SOX5: variants seen among roughly 807,000 people sequenced by gnomAD.
SOX5 encodes transcription factor SOX-5.
A neutral mutation model predicts 92.0 loss-of-function variants in SOX5; 9 were observed. The ratio of observed to expected loss-of-function variants is 0.10; its 90% CI spans 0.06 to 0.17. The LOEUF is 0.17. SOX5 is among the 10% of genes least tolerant of loss of function. The pLI is 1.00. For synonymous variants in SOX5, 344 were observed against 336.3 expected (o/e 1.02, Z -0.25); for missense variants, 642 against 944.5 (o/e 0.68, Z 4.20).
intron 1 of SOX5, among the ~76,000 whole-genome samples, chr12:24,418,437 T>C (rs1965394006): frequency 6.6e-6 from 1 of 152,220 alleles, no homozygotes; most frequent in Non-Finnish European, 1.5e-5. Flanking sequence ...TACGACACTA[T>C]GTGGGCCAAG....
At chr12:23,690,135 TC>T (rs1328528989) in intron 6 of SOX5, among the ~76,000 whole-genome samples, 1 of 152,174 alleles carries the variant, frequency 6.6e-6, no homozygotes, top group Non-Finnish European at 1.5e-5. Flanking sequence ...CAGCAAGCGG[TC>T]CCTGAGTCCT....
chr12:24,003,216 G>A (rs961966154), intron 4 of SOX5, among the ~76,000 whole-genome samples: 2 of 152,008 alleles, frequency 1.3e-5, no homozygotes, highest in African/African-American at 4.8e-5. Context: ...AACAGTAAAA[G>A]ACAGAATGTT....
At chr12:24,317,155 A>C (rs1949768717) in intron 2 of SOX5, among the ~76,000 whole-genome samples, 1 of 152,226 alleles carries the variant, frequency 6.6e-6, no homozygotes, top group Non-Finnish European at 1.5e-5. Flanking sequence ...ATTGTGTTTA[A>C]CAATGAGCAC....
At chr12:23,912,811 G>A (rs925262237) in intron 1 of SOX5, among the ~76,000 whole-genome samples, 2 of 152,078 alleles carry the variant, frequency 1.3e-5, no homozygotes, top group Non-Finnish European at 2.9e-5. Context: ...AAGTAGATTG[G>A]TGGTTGTCTA....
intron 4 of SOX5, among the ~76,000 whole-genome samples, chr12:23,962,120 A>G (rs1409877019): frequency 2.0e-5 from 3 of 152,194 alleles, no homozygotes; most frequent in Non-Finnish European, 4.4e-5. Context: ...AAAAAGTGTG[A>G]TATTTTATTT....
At chr12:23,568,526 T>C (rs1186266432) in intron 10 of SOX5, among the ~76,000 whole-genome samples, 1 of 152,154 alleles carries the variant, frequency 6.6e-6, no homozygotes, top group Non-Finnish European at 1.5e-5. Flanking sequence ...ATCTGTTTAT[T>C]GACTAAGCTT....
intron 1 of SOX5, among the ~76,000 whole-genome samples, chr12:23,931,922 G>A (rs1266333376): frequency 2.0e-5 from 3 of 151,544 alleles, no homozygotes; most frequent in Non-Finnish European, 3.0e-5. Flanking sequence ...TAGACATTAT[G>A]AATATGTGGT....
intron 1 of SOX5, among the ~76,000 whole-genome samples, chr12:24,522,179 A>G (rs538737714): frequency 3.4e-4 from 52 of 152,112 alleles, no homozygotes; most frequent in African/African-American, 1.2e-3. Context: ...GTAGAAAAAT[A>G]GATAAACTCC....
intron 11 of SOX5, among the ~76,000 whole-genome samples, chr12:23,550,787 A>T (rs574312363): frequency 6.6e-6 from 1 of 151,998 alleles, no homozygotes; most frequent in African/African-American, 2.4e-5. Context: ...CTTAAAAAAA[A>T]TAAAAAACAA....
intron 4 of SOX5, among the ~76,000 whole-genome samples, chr12:23,995,048 T>C (rs1346595398): frequency 6.6e-6 from 1 of 152,206 alleles, no homozygotes; most frequent in Non-Finnish European, 1.5e-5. Flanking sequence ...TATATTTTCT[T>C]CCAAGAAGTC....
chr12:23,733,140 T>C (rs928813091), intron 6 of SOX5, among the ~76,000 whole-genome samples: 1 of 152,162 alleles, frequency 6.6e-6, no homozygotes, highest in Admixed American at 6.6e-5. Context: ...GAAATCTATT[T>C]TTGCCATTCT....
At chr12:24,265,201 A>T (rs1486993119) in intron 3 of SOX5, among the ~76,000 whole-genome samples, 1 of 152,252 alleles carries the variant, frequency 6.6e-6, no homozygotes, top group Non-Finnish European at 1.5e-5. Context: ...AGAAGAAATA[A>T]CTTAGATTCT....
intron 4 of SOX5, among the ~76,000 whole-genome samples, chr12:24,078,688 A>G (rs1942954721): frequency 6.6e-6 from 1 of 152,082 alleles, no homozygotes; most frequent in African/African-American, 2.4e-5. Context: ...AAGAACCTCA[A>G]GTAAGGTAAA....
intron 4 of SOX5, among the ~76,000 whole-genome samples, chr12:24,153,690 T>C (rs948941646): frequency 2.0e-5 from 3 of 152,106 alleles, no homozygotes; most frequent in Non-Finnish European, 4.4e-5. Context: ...CTAAAGTGAT[T>C]CTGGGACAGT....
chr12:23,896,043 G>C lies in SOX5; in HGVS notation c.39-19C>G. Reference sequence around the variant, plus strand: ...AGACATCCTGGAAGGAACAAAAGAGGAGAAAATAATGAAACCTCCACATAA... The same window carrying C: ...AGACATCCTGGAAGGAACAAAAGAGCAGAAAATAATGAAACCTCCACATAA... On this transcript the variant is annotated intron_variant, in intron 1 of 14. Transcript: ENST00000451604. The C allele has an allele frequency of 6.5e-7, 1 of 1,544,496 alleles. No individual in the cohort carries two copies. Among genetic ancestry groups the C allele is most frequent in the East Asian group, 2.2e-5 (1 of 44,480 alleles).
At chr12:24,070,074 T>C (rs1941520583) in intron 4 of SOX5, among the ~76,000 whole-genome samples, 1 of 152,192 alleles carries the variant, frequency 6.6e-6, no homozygotes, top group Admixed American at 6.5e-5. Context: ...CAGCCCGTCT[T>C]TGTCCTGAGT....
intron 3 of SOX5, among the ~76,000 whole-genome samples, chr12:23,795,293 CT>C (rs1244413828): frequency 6.6e-6 from 1 of 150,818 alleles, no homozygotes; most frequent in Non-Finnish European, 1.5e-5. Context: ...GATGGATGGA[CT>C]TGTATAAGAT....
intron 3 of SOX5, among the ~76,000 whole-genome samples, chr12:24,267,322 A>G (rs1238599538): frequency 6.6e-6 from 1 of 152,238 alleles, no homozygotes; most frequent in African/African-American, 2.4e-5. Context: ...ATATTTTGCT[A>G]TATCATAGAA....
chr12:24,027,415 G>C (rs1016265061), intron 4 of SOX5, among the ~76,000 whole-genome samples: 3 of 151,926 alleles, frequency 2.0e-5, no homozygotes, highest in Non-Finnish European at 4.4e-5. Flanking sequence ...TTTTCCAAGT[G>C]ACATTGCCAT....
Sources: gnomAD v4.1 joint callset for allele counts (sites outside exome capture counted in the v4.1 genomes callset) on GRCh38, gnomAD v4.1.1 for gene constraint, MANE v1.5 for transcripts, NCBI Gene and HGNC (gene_info 2026-07-23, HGNC 2026-07-21) for gene names.